SLCO5A1: variants seen among roughly 807,000 people sequenced by gnomAD.
The protein encoded by SLCO5A1 is solute carrier organic anion transporter family member 5A1, also known as organic anion transporter polypeptide-related protein 4.
A neutral mutation model predicts 65.1 loss-of-function variants in SLCO5A1; 39 were observed. The ratio of observed to expected loss-of-function variants is 0.60; its 90% CI spans 0.46 to 0.78. SLCO5A1 has a LOEUF of 0.78. SLCO5A1 is among the 30% of genes least tolerant of loss of function. The pLI, the probability that SLCO5A1 is intolerant of heterozygous loss-of-function variation, is 0.00. For missense variants in SLCO5A1, 1,029 were observed against 1,069.4 expected, an observed-to-expected ratio of 0.96 and a Z score of 0.53; for synonymous variants, 438 against 415.7, an observed-to-expected ratio of 1.05 and a Z score of -0.65.
chr8:69,728,389 A>G (rs1434845415), intron 5 of SLCO5A1, among the ~76,000 whole-genome samples: 2 of 152,200 alleles, frequency 1.3e-5, no homozygotes, highest in East Asian at 3.8e-4. Context: ...CAAACCATAT[A>G]AATGTTTTAT....
At position 69,757,242 on chromosome 8, in the gene SLCO5A1, C is replaced by T. The variant is rs192055927; in HGVS notation, c.1041-1601G>A. ...AGGGCTTTATTTTGAGAAGTTTGTT[C>T]GGGGCAGACTTCCAGCAATCTCAGT... On this transcript the variant is annotated intron_variant, in intron 3 of 9. Coordinates refer to ENST00000260126, the MANE Select transcript of SLCO5A1 (RefSeq NM_030958.3). 7.2e-5 allele frequency among the ~76,000 whole-genome samples: 11 copies of T among 152,116 alleles called. No homozygotes were observed. In the South Asian group the frequency reaches 2.1e-3, roughly 29 times the overall value.
intron 6 of SLCO5A1, among the ~76,000 whole-genome samples, chr8:69,696,016 T>G (rs1444171975): frequency 1.3e-5 from 2 of 152,138 alleles, no homozygotes; most frequent in Non-Finnish European, 2.9e-5. Context: ...GCTCAGCAAA[T>G]ATGAGGTCCT....
Position 69,722,348 on chromosome 8 carries a change from T to C in SLCO5A1, c.1423+15692A>G, listed in dbSNP as rs1815866025. ...ATTTAATTGATCAATACAACAGCTC[T>C]ATAAACAGGTATTATCTCCTTATAC... On this transcript the variant is annotated intron_variant, in intron 5 of 9. Transcript: ENST00000260126. 2.6e-5 allele frequency among the ~76,000 whole-genome samples: 4 copies of C among 152,270 alleles called. No homozygotes were observed. In the Middle Eastern group the frequency reaches 0.01, roughly 388 times the overall value.
chr8:69,739,487 T>C (rs1816707147), intron 4 of SLCO5A1, among the ~76,000 whole-genome samples: 1 of 152,298 alleles, frequency 6.6e-6, no homozygotes, highest in African/African-American at 2.4e-5. Context: ...GTAAGCTGTA[T>C]TATTTTTGGC....
At position 69,738,207 on chromosome 8, in the gene SLCO5A1, A is replaced by C; in HGVS notation, c.1259-3T>G. The C allele has an allele frequency of 6.3e-7, 1 of 1,590,136 alleles. No homozygotes were observed. The highest frequency in any genetic ancestry group is 8.6e-7 in the Non-Finnish European group (1 of 1,166,042). The stretch of plus-strand genomic sequence containing the variant: ...CCTGACAGCTGCTCTTGGTAGGTCT[A>C]CAAAATGACAAAAATGACAAATGAA... On this transcript the variant is annotated splice_polypyrimidine_tract_variant and splice_region_variant and intron_variant, in intron 4 of 9. Coordinates refer to ENST00000260126, the MANE Select transcript of SLCO5A1 (RefSeq NM_030958.3).
intron 2 of SLCO5A1, among the ~76,000 whole-genome samples, chr8:69,785,372 A>G (rs898006041): frequency 6.6e-6 from 1 of 152,242 alleles, no homozygotes; most frequent in Non-Finnish European, 1.5e-5. Context: ...ATCTTATTGT[A>G]ATTTAAAATC....
In SLCO5A1 at chr8:69,705,032, C is replaced by G. The variant is rs1814906941; in HGVS notation, c.1621G>C (p.Gly541Arg). 6.2e-7 allele frequency: 1 copy of G among 1,610,480 alleles called. No individual in the cohort carries two copies. The highest frequency in any genetic ancestry group is 1.3e-5 in the African/African-American group (1 of 74,936). ...ACACGGCTCTTAAGAGGTACTTACC[C>G]TGTTGTATAAGGGATGTTTATGCCC... ...LGGINIPYTT[G>R]PSLTMPHRNL... Residue 541 changes from glycine to arginine, a missense_variant and splice_region_variant, in exon 6 of 10, where the codon GGA becomes CGA. Transcript: ENST00000260126.
At chr8:69,712,598 T>C (rs1815320104) in intron 5 of SLCO5A1, among the ~76,000 whole-genome samples, 1 of 152,206 alleles carries the variant, frequency 6.6e-6, no homozygotes, top group South Asian at 2.1e-4. Flanking sequence ...ATTGTGCTAT[T>C]GTTGCTATTG....
At position 69,667,383 on chromosome 8, in the gene SLCO5A1, C is replaced by G. The variant is rs1813214052; in HGVS notation, c.*5486G>C. The G allele has an allele frequency of 6.6e-6, 1 of 152,040 alleles. No individual in the cohort carries two copies. The highest frequency in any genetic ancestry group is 1.5e-5 in the Non-Finnish European group (1 of 68,008). The allele number at this position is 152,040 out of a possible 1,614,324, so 9.4% of individuals were successfully genotyped here. A position where few individuals can be genotyped will look rare whatever the true frequency, so the allele number is the denominator to read the frequency against. On this transcript the variant is annotated 3_prime_UTR_variant, in exon 10 of 10. Transcript: ENST00000260126. ...ATTTCCTTAAACAAAAGAGTCAGAGCCTGACTTGCCTGTTTCAGGATTCTA... is the reference window on the plus strand; with the variant it reads ...ATTTCCTTAAACAAAAGAGTCAGAGGCTGACTTGCCTGTTTCAGGATTCTA...
intron 2 of SLCO5A1, among the ~76,000 whole-genome samples, chr8:69,816,854 A>G (rs1008059675): frequency 6.6e-6 from 1 of 152,240 alleles, no homozygotes; most frequent in Non-Finnish European, 1.5e-5. Context: ...AACATGTGCT[A>G]GAATGCTGCA....
chr8:69,783,503 T>G (rs1212372606), intron 2 of SLCO5A1, among the ~76,000 whole-genome samples: 3 of 151,978 alleles, frequency 2.0e-5, no homozygotes, highest in African/African-American at 7.2e-5. Context: ...TTTTGAATTT[T>G]AATTTTAAAT....
chr8:69,749,132 T>C (rs894083655), intron 4 of SLCO5A1, among the ~76,000 whole-genome samples: 6 of 152,206 alleles, frequency 3.9e-5, no homozygotes, highest in Admixed American at 2.6e-4. Flanking sequence ...ACATTCATAC[T>C]ATACTTGTTC....
chr8:69,799,232 A>C (rs1819634216), intron 2 of SLCO5A1, among the ~76,000 whole-genome samples: 1 of 152,234 alleles, frequency 6.6e-6, no homozygotes, highest in African/African-American at 2.4e-5. Flanking sequence ...CTTTAGAGAA[A>C]AAGAATTCTC....
At chr8:69,804,460 C>T (rs1459496660) in intron 2 of SLCO5A1, among the ~76,000 whole-genome samples, 1 of 152,068 alleles carries the variant, frequency 6.6e-6, no homozygotes, top group African/African-American at 2.4e-5. Flanking sequence ...ATTACAGGCA[C>T]AGGCCACCAC....
chr8:69,757,831 G>A (rs531731244), intron 3 of SLCO5A1, among the ~76,000 whole-genome samples: 1 of 152,140 alleles, frequency 6.6e-6, no homozygotes, highest in South Asian at 2.1e-4. Flanking sequence ...CTCTCTCCAC[G>A]AACTCTCCAT....
chr8:69,738,770 G>A (rs933388889), intron 4 of SLCO5A1, among the ~76,000 whole-genome samples: 3 of 152,158 alleles, frequency 2.0e-5, no homozygotes, highest in African/African-American at 7.2e-5. Flanking sequence ...ACTCTGAGGT[G>A]CTTGAATTGG....
At chr8:69,800,686 A>G (rs1168612747) in intron 2 of SLCO5A1, among the ~76,000 whole-genome samples, 1 of 152,218 alleles carries the variant, frequency 6.6e-6, no homozygotes, top group Non-Finnish European at 1.5e-5. Flanking sequence ...CTTAGGGTTT[A>G]TAATCACGAA....
intron 6 of SLCO5A1, among the ~76,000 whole-genome samples, chr8:69,699,082 G>T (rs1288871413): frequency 6.6e-6 from 1 of 152,128 alleles, no homozygotes; most frequent in African/African-American, 2.4e-5. Flanking sequence ...GAAAGAAGAG[G>T]CCCTTAGACC....
chr8:69,823,120 G>A (rs913943636), intron 2 of SLCO5A1, among the ~76,000 whole-genome samples: 1 of 151,976 alleles, frequency 6.6e-6, no homozygotes, highest in African/African-American at 2.4e-5. Flanking sequence ...CAAATGTCTT[G>A]CCTCCAAAGG....
Sources: gnomAD v4.1 joint callset for allele counts (sites outside exome capture counted in the v4.1 genomes callset) on GRCh38, gnomAD v4.1.1 for gene constraint, MANE v1.5 for transcripts, NCBI Gene and HGNC (gene_info 2026-07-23, HGNC 2026-07-21) for gene names.